The following CACNA2D3 variants were observed in gnomAD, a reference collection of about 807,000 sequenced individuals.
The protein encoded by CACNA2D3 is calcium voltage-gated channel auxiliary subunit alpha2delta 3, also known as voltage-dependent calcium channel subunit alpha-2/delta-3.
A neutral mutation model predicts 160.6 loss-of-function variants in CACNA2D3; 60 were observed. The observed-to-expected ratio is 0.37, with a 90% confidence interval of 0.30 to 0.46. The LOEUF (loss-of-function observed/expected upper bound fraction) is 0.46. CACNA2D3 is among the 20% of genes least tolerant of loss of function. The pLI is 1.00. For synonymous variants in CACNA2D3, 558 were observed against 492.9 expected (o/e 1.13, Z -1.75); for missense variants, 1,205 against 1,365.0 (o/e 0.88, Z 1.85).
At chr3:54,884,261 A>G (rs1699875283) in intron 21 of CACNA2D3, among the ~76,000 whole-genome samples, 1 of 152,258 alleles carries the variant, frequency 6.6e-6, no homozygotes, top group Admixed American at 6.5e-5. Context: ...CATGGTAGAT[A>G]TAACTCAAAG....
At chr3:54,871,798 G>A (rs975855797) in intron 18 of CACNA2D3, among the ~76,000 whole-genome samples, 176 bp downstream of exon 18, 4 of 152,144 alleles carry the variant, frequency 2.6e-5, no homozygotes, top group African/African-American at 9.7e-5. Context: ...CTCTTCAGCC[G>A]GTCAGTCGGA....
At chr3:54,861,459 T>C (rs1699288251) in intron 17 of CACNA2D3, among the ~76,000 whole-genome samples, 1 of 152,058 alleles carries the variant, frequency 6.6e-6, no homozygotes, top group African/African-American at 2.4e-5. Flanking sequence ...AGAGGCCAAG[T>C]CACAGGGACT....
intron 3 of CACNA2D3, among the ~76,000 whole-genome samples, chr3:54,346,489 T>C (rs1698460626): frequency 6.6e-6 from 1 of 152,242 alleles, no homozygotes; most frequent in African/African-American, 2.4e-5. Context: ...GGCATAATTG[T>C]TACCTGTTTT....
chr3:54,141,293 G>T (rs1412004230), intron 2 of CACNA2D3, among the ~76,000 whole-genome samples: 1 of 152,064 alleles, frequency 6.6e-6, no homozygotes, highest in Non-Finnish European at 1.5e-5. Flanking sequence ...CATACCCAAG[G>T]CTCCATTCAA....
chr3:54,479,678 G>T (rs1287530941), intron 4 of CACNA2D3, among the ~76,000 whole-genome samples: 1 of 152,030 alleles, frequency 6.6e-6, no homozygotes, highest in African/African-American at 2.4e-5. Context: ...TAGTCTGTGT[G>T]TCCTGCAGCC....
intron 3 of CACNA2D3, among the ~76,000 whole-genome samples, chr3:54,350,969 TTTTTTTTTTTTTG>T (rs1698544598): frequency 6.9e-5 from 3 of 43,740 alleles, no homozygotes; most frequent in South Asian, 1.3e-3. Context: ...CTTGAGTCTG[TTTTTTTTTTTTTG>T]TTTGTTTTTT....
intron 4 of CACNA2D3, among the ~76,000 whole-genome samples, chr3:54,432,085 C>T (rs1575451254): frequency 6.6e-6 from 1 of 152,118 alleles, no homozygotes; most frequent in Admixed American, 6.5e-5. Flanking sequence ...AAAAAATATA[C>T]ATGACTGTGT....
In CACNA2D3 at chr3:54,219,910, A is replaced by G. The variant is rs999434165; in HGVS notation, c.204+96316A>G. Among the ~76,000 whole-genome samples the G allele has an allele frequency of 3.9e-5, 6 of 152,244 alleles. No homozygotes were observed. The East Asian group carries it at 9.7e-4, about 24-fold the overall frequency. On this transcript the variant is annotated intron_variant, in intron 2 of 37. Transcript: ENST00000474759. ...AAGAATTCTTCTTAATTAAAAAAAA[A>G]CTACTATCTTTCCTTACTAACCGAG...
intron 13 of CACNA2D3, among the ~76,000 whole-genome samples, chr3:54,802,842 G>C (rs904474831): frequency 3.3e-5 from 5 of 152,142 alleles, no homozygotes; most frequent in Non-Finnish European, 5.9e-5. Flanking sequence ...CACACGGCCG[G>C]GTACTCCTCT....
At chr3:54,766,018 A>G (rs1702217526) in intron 13 of CACNA2D3, among the ~76,000 whole-genome samples, 1 of 152,186 alleles carries the variant, frequency 6.6e-6, no homozygotes, top group South Asian at 2.1e-4. Context: ...CAAGCAGTAG[A>G]AGAAAACCTG....
intron 27 of CACNA2D3, among the ~76,000 whole-genome samples, chr3:54,923,660 T>C (rs1173685673): frequency 6.6e-6 from 1 of 152,178 alleles, no homozygotes; most frequent in Non-Finnish European, 1.5e-5. Context: ...CACTCAAATA[T>C]AGAAATGAAT....
At chr3:54,496,570 A>C (rs1021891205) in intron 4 of CACNA2D3, among the ~76,000 whole-genome samples, 2 of 152,162 alleles carry the variant, frequency 1.3e-5, no homozygotes, top group African/African-American at 4.8e-5. Flanking sequence ...GTGTATTACG[A>C]ATACTTTTTC....
chr3:54,210,174 T>TG (rs1466130234), intron 2 of CACNA2D3, among the ~76,000 whole-genome samples: 1 of 151,896 alleles, frequency 6.6e-6, no homozygotes, highest in Admixed American at 6.6e-5. Context: ...TGTGGGGTGG[T>TG]GGGGAGAGGA....
chr3:54,738,954 A>G (rs1701585617), intron 11 of CACNA2D3, among the ~76,000 whole-genome samples: 1 of 152,128 alleles, frequency 6.6e-6, no homozygotes, highest in Non-Finnish European at 1.5e-5. Context: ...AGACCAGCCT[A>G]GGCAATATGG....
At chr3:54,984,971 T>C (rs921251284) in intron 30 of CACNA2D3, among the ~76,000 whole-genome samples, 1 of 152,192 alleles carries the variant, frequency 6.6e-6, no homozygotes, top group African/African-American at 2.4e-5. Context: ...CTGTGCCACA[T>C]AAAGAACTTT....
At chr3:54,701,385 A>T (rs1460731089) in intron 11 of CACNA2D3, among the ~76,000 whole-genome samples, 1 of 152,206 alleles carries the variant, frequency 6.6e-6, no homozygotes. Flanking sequence ...CAAGGAGTCT[A>T]CTGAGATTTC....
At chr3:54,587,213 G>C (rs971034680) in intron 9 of CACNA2D3, among the ~76,000 whole-genome samples, 1 of 152,018 alleles carries the variant, frequency 6.6e-6, no homozygotes, top group Non-Finnish European at 1.5e-5. Flanking sequence ...GACACCAAAA[G>C]CTGGTTCTTT....
At chr3:54,493,356 C>A (rs368303053) in intron 4 of CACNA2D3, among the ~76,000 whole-genome samples, 2 of 152,046 alleles carry the variant, frequency 1.3e-5, no homozygotes, top group African/African-American at 4.8e-5. Context: ...GGATTTCAGG[C>A]GTGAGCAACC....
At chr3:54,703,757 A>G (rs1286926516) in intron 11 of CACNA2D3, among the ~76,000 whole-genome samples, 1 of 152,222 alleles carries the variant, frequency 6.6e-6, no homozygotes, top group Non-Finnish European at 1.5e-5. Context: ...CCCAAGCGCC[A>G]AGTTGCAAAA....
Sources: gnomAD v4.1 joint callset for allele counts (sites outside exome capture counted in the v4.1 genomes callset) on GRCh38, gnomAD v4.1.1 for gene constraint, MANE v1.5 for transcripts, NCBI Gene and HGNC (gene_info 2026-07-23, HGNC 2026-07-21) for gene names.